Variants in ZNF573 observed in about 807,000 individuals in gnomAD.
ZNF573 encodes zinc finger protein 573.
In ZNF573, 41 loss-of-function variants were observed where a neutral mutation model predicts 57.4. The observed-to-expected ratio is 0.71, with a 90% CI of 0.56 to 0.93. The LOEUF (loss-of-function observed/expected upper bound fraction) is 0.93, where lower values mean the gene tolerates loss of function less well. Among genes scored for constraint, ZNF573 ranks in the 40% least tolerant of loss-of-function variants. ZNF573 has a pLI of 0.00. For missense variants in ZNF573, 730 were observed against 794.8 expected (o/e 0.92, Z 0.98); for synonymous variants, 249 against 261.0 (o/e 0.95, Z 0.44).
intron 4 of ZNF573, among the ~76,000 whole-genome samples, chr19:37,767,763 G>A (rs1458233001): frequency 1.3e-5 from 2 of 152,050 alleles, no homozygotes; most frequent in African/African-American, 2.4e-5. Flanking sequence ...TCTCAGGGAT[G>A]GCATCAGCAA....
Position 37,738,933 on chromosome 19 carries a change from A to C in ZNF573, c.1557T>G (p.Ile519Met). Residue 519 changes from isoleucine (I) to methionine (M), a missense_variant, in exon 5 of 5, where the codon ATT becomes ATG. By Grantham distance (10) the Ile-to-Met change is conservative. Coordinates refer to ENST00000536220, the MANE Select transcript of ZNF573 (RefSeq NM_001172690.2). Reference protein sequence around the residue: ...LHGYLNQHQKIHTGMKPYECK... With the variant: ...LHGYLNQHQKMHTGMKPYECK... ...ATTCATAGGGTTTCATACCAGTATG[A>C]ATTTTCTGATGTTGATTAAGATATC... The C allele has an allele frequency of 6.2e-7, 1 of 1,610,614 alleles. No homozygotes were observed. Among genetic ancestry groups the C allele is most frequent in the Non-Finnish European group, 8.5e-7 (1 of 1,177,044 alleles).
In ZNF573 at chr19:37,777,019, C is replaced by G. The variant is rs181740626; in HGVS notation, c.-23+2525G>C. Among the ~76,000 whole-genome samples the G allele has an allele frequency of 1.5e-3, 232 of 152,266 alleles. 1 individual carries two copies. The highest frequency in any genetic ancestry group is 2.8e-3 in the Non-Finnish European group (191 of 68,016). ...TGCCATGGTTGTGGTGAAGAGAGAACACTTCTACACTACTGGTGGGAACAA... is the reference window on the plus strand; with the variant it reads ...TGCCATGGTTGTGGTGAAGAGAGAAGACTTCTACACTACTGGTGGGAACAA... On this transcript the variant is annotated intron_variant, in intron 1 of 4. Coordinates refer to ENST00000536220, the MANE Select transcript of ZNF573 (RefSeq NM_001172690.2).
intron 4 of ZNF573, among the ~76,000 whole-genome samples, chr19:37,752,627 T>C (rs1394409455): frequency 6.6e-6 from 1 of 151,098 alleles, no homozygotes; most frequent in African/African-American, 2.5e-5. Flanking sequence ...GCAATGTGTA[T>C]GAGCTTTCTT....
At chr19:37,740,722 T>C (rs1452378120) in intron 4 of ZNF573, 3 of 397,650 alleles carry the variant, frequency 7.5e-6, no homozygotes, top group Admixed American at 6.3e-5. Context: ...TGGAATATAG[T>C]ACAATTGCCC....
At chr19:37,759,799 T>G (rs1258972195) in intron 4 of ZNF573, among the ~76,000 whole-genome samples, 2 of 151,962 alleles carry the variant, frequency 1.3e-5, no homozygotes, top group Non-Finnish European at 2.9e-5. Context: ...GTGTAGAACT[T>G]ACGTTGTTGG....
rs747478819 is a variant in ZNF573 at position 37,771,676 on chromosome 19, G to C, written c.90C>G (p.Phe30Leu). Residue 30 changes from phenylalanine (F) to leucine (L), a missense_variant, in exon 3 of 5, where the codon TTC becomes TTG. Coordinates refer to ENST00000536220, the MANE Select transcript of ZNF573 (RefSeq NM_001172690.2). ...GAGAGAAGTCTATGGCCACATCCCT[G>C]AATGTCACTAATTCCTGAAACTGCA... ...TMTCFQELVT[F>L]RDVAIDFSRQ... is the part of the protein sequence containing the mutation. 3 of 1,592,242 alleles carry C rather than the reference G, an allele frequency of 1.9e-6. No individual in the cohort carries two copies. The South Asian group carries it at 3.4e-5, about 18-fold the overall frequency.
intron 4 of ZNF573, among the ~76,000 whole-genome samples, chr19:37,744,143 T>A (rs2045354890): frequency 6.6e-6 from 1 of 151,492 alleles, no homozygotes; most frequent in African/African-American, 2.4e-5. Flanking sequence ...AAAAGACTAC[T>A]GATGTCACAC....
At chr19:37,766,001 T>C (rs1359712839) in intron 4 of ZNF573, among the ~76,000 whole-genome samples, 1 of 151,804 alleles carries the variant, frequency 6.6e-6, no homozygotes, top group African/African-American at 2.4e-5. Flanking sequence ...GATCACACCA[T>C]TGCATTTCAG....
At chr19:37,777,722 G>C (rs1031969221) in intron 1 of ZNF573, among the ~76,000 whole-genome samples, 49 of 139,750 alleles carry the variant, frequency 3.5e-4, no homozygotes, top group African/African-American at 1.1e-3. Context: ...CCTGGCCATA[G>C]AGCAAGCCTT....
chr19:37,773,233 C>G (rs1364335581), intron 2 of ZNF573, among the ~76,000 whole-genome samples: 1 of 152,190 alleles, frequency 6.6e-6, no homozygotes, highest in African/African-American at 2.4e-5. Context: ...TCATCACATA[C>G]TAAGACAGAC....
rs761927757 is a variant in ZNF573 at position 37,738,966 on chromosome 19, G to C, written c.1524C>G (p.Ser508Arg). 5 of 1,613,484 alleles carry C rather than the reference G, an allele frequency of 3.1e-6. No homozygotes were observed. The highest frequency in any genetic ancestry group is 1.3e-5 in the African/African-American group (1 of 74,764). The change falls in exon 5 of 5, where the codon AGC becomes AGG. Residue 508 changes from serine (S) to arginine (R), a missense_variant. Transcript: ENST00000536220. Reference protein sequence around the residue: ...YKCKECGKTFSLHGYLNQHQK... With the variant: ...YKCKECGKTFRLHGYLNQHQK... ...GATGTTGATTAAGATATCCATGCAA[G>C]CTAAAGGTCTTGCCACATTCCTTAC... is the stretch of plus-strand genomic sequence containing the variant.
intron 4 of ZNF573, among the ~76,000 whole-genome samples, chr19:37,745,162 C>A (rs1414770892): frequency 6.6e-6 from 1 of 151,108 alleles, no homozygotes; most frequent in African/African-American, 2.4e-5. Flanking sequence ...GCAACCTTTG[C>A]CTCTCAGGTT....
At chr19:37,779,367 A>G (rs1354365176) in intron 1 of ZNF573, among the ~76,000 whole-genome samples, 177 bp downstream of exon 1, 1 of 152,014 alleles carries the variant, frequency 6.6e-6, no homozygotes, top group African/African-American at 2.4e-5. Context: ...CTGTTCATGC[A>G]CCCACGGGCC....
chr19:37,745,226 C>T (rs1308264477), intron 4 of ZNF573, among the ~76,000 whole-genome samples: 1 of 152,142 alleles, frequency 6.6e-6, no homozygotes, highest in Admixed American at 6.6e-5. Flanking sequence ...AGGCACCCAC[C>T]ACTATGCTTG....
rs561673886 is a variant in ZNF573 at position 37,778,022 on chromosome 19, C to A, written c.-23+1522G>T. Reference sequence around the variant, plus strand: ...CCTGGGCGACAGAGCGAGACTCTGTCTCAAAAAAAAAAAAAAAAAAAAAGT... The same window carrying A: ...CCTGGGCGACAGAGCGAGACTCTGTATCAAAAAAAAAAAAAAAAAAAAAGT... On this transcript the variant is annotated intron_variant, in intron 1 of 4. Transcript: ENST00000536220. Among the ~76,000 whole-genome samples, 17 of 66,958 alleles carry A rather than the reference C, an allele frequency of 2.5e-4. No homozygotes were observed. The East Asian group carries it at 3.0e-3, about 12-fold the overall frequency. The allele number at this position is 66,958 out of a possible 152,430, so 43.9% of individuals were successfully genotyped here.
rs2045506619 is a variant in ZNF573, at chr19:37,758,015, G to A, written c.295+11990C>T. ...CAATGAGAACACTTGGACACAGGAA[G>A]GGGAACATCACACACCACACACCGG... On this transcript the variant is annotated intron_variant, in intron 4 of 4. Coordinates refer to ENST00000536220, the MANE Select transcript of ZNF573 (RefSeq NM_001172690.2). Among the ~76,000 whole-genome samples, 9 of 150,872 alleles carry A rather than the reference G, an allele frequency of 6.0e-5. No homozygotes were observed. In the South Asian group the frequency reaches 1.9e-3, roughly 32 times the overall value.
chr19:37,773,751 G>T lies in ZNF573; in HGVS notation c.-22C>A, dbSNP rs1214091917. Reference sequence around the variant, plus strand: ...ACATTCAAACTCCAGAGAATCCAGAGCTGAGAGAAGAAAAGAGATGTTAGT... The same window carrying T: ...ACATTCAAACTCCAGAGAATCCAGATCTGAGAGAAGAAAAGAGATGTTAGT... On this transcript the variant is annotated splice_region_variant and 5_prime_UTR_variant, in exon 2 of 5. Transcript: ENST00000536220. 1 of 1,520,282 alleles carries T rather than the reference G, an allele frequency of 6.6e-7. No homozygotes were observed. The highest frequency in any genetic ancestry group is 2.5e-5 in the East Asian group (1 of 40,778). 94.2% of individuals were successfully genotyped at this position (1,520,282 alleles called of 1,614,324 possible). A position where few individuals can be genotyped will look rare whatever the true frequency, so the allele number is the denominator to read the frequency against.
chr19:37,740,164 T>C lies in ZNF573; in HGVS notation c.326A>G (p.Tyr109Cys). 3.1e-6 allele frequency: 5 copies of C among 1,595,336 alleles called. No individual in the cohort carries two copies. Among genetic ancestry groups the C allele is most frequent in the Non-Finnish European group, 4.3e-6 (5 of 1,170,364 alleles). Residue 109 changes from tyrosine (Y) to cysteine (C), a missense_variant, in exon 5 of 5, where the codon TAC (tyrosine) becomes TGC (cysteine). Coordinates refer to ENST00000536220, the MANE Select transcript of ZNF573 (RefSeq NM_001172690.2). ...TGTTTCATAAGTGGGTACTTCTATG[T>C]AGCTGATTATCTCACACTGTAAATC... ...DLDLQCEIIS[Y>C]IEVPTYETDI... is the part of the protein sequence containing the mutation.
chr19:37,761,096 G>C (rs998591074), intron 4 of ZNF573, among the ~76,000 whole-genome samples: 3 of 151,026 alleles, frequency 2.0e-5, no homozygotes, highest in African/African-American at 7.3e-5. Context: ...TACAGCGCCT[G>C]TAATCCCAGC....
Sources: gnomAD v4.1 joint callset for allele counts (sites outside exome capture counted in the v4.1 genomes callset) on GRCh38, gnomAD v4.1.1 for gene constraint, MANE v1.5 for transcripts, NCBI Gene and HGNC (gene_info 2026-07-23, HGNC 2026-07-21) for gene names.